The following STAU1 variants were observed in gnomAD, a reference collection of about 807,000 sequenced individuals.
STAU1 encodes staufen double-stranded RNA binding protein 1.
A neutral mutation model predicts 62.9 loss-of-function variants in STAU1; 13 were observed. The ratio of observed to expected loss-of-function variants is 0.21; its 90% CI spans 0.13 to 0.33. The LOEUF (loss-of-function observed/expected upper bound fraction) is 0.33, where lower values mean the gene tolerates loss of function less well. Ranked by LOEUF, STAU1 falls within the 10% of genes least tolerant of loss-of-function variation. The pLI, the probability that STAU1 is intolerant of heterozygous loss-of-function variation, is 1.00. For missense variants in STAU1, 571 were observed against 712.1 expected (o/e 0.80, Z 2.25); for synonymous variants, 269 against 265.1 (o/e 1.01, Z -0.14).
Position 49,165,977 on chromosome 20 carries a change from A to AAG in STAU1, c.205+19_205+20insCT. ...TAAGAAAACATTTGAAATAGAAGAC[A>AAG]CTTGGATTCATATGCTTACCTGCAG... On this transcript the variant is annotated intron_variant, in intron 3 of 13. Coordinates refer to ENST00000371856, the MANE Select transcript of STAU1 (RefSeq NM_017453.4). The AAG allele has an allele frequency of 1.2e-6, 2 of 1,611,682 alleles. No homozygotes were observed. Among genetic ancestry groups the AAG allele is most frequent in the Non-Finnish European group, 1.7e-6 (2 of 1,177,786 alleles).
the STAU1 span, chr20:49,219,233 TACCTAA>T: frequency 1.0e-6 from 1 of 988,590 alleles, no homozygotes; most frequent in African/African-American, 1.6e-5. Context: ...GGAATTTGCT[TACCTAA>T]AAAGCTCCGC....
At chr20:49,184,152 A>G (rs902713391) in intron 1 of STAU1, among the ~76,000 whole-genome samples, 12 of 152,146 alleles carry the variant, frequency 7.9e-5, no homozygotes, top group African/African-American at 2.6e-4. Context: ...GCTGGTCTCC[A>G]ACTCCTGACC....
rs747757991 is a variant in STAU1, at chr20:49,117,741, G to C, written c.1509+36C>G. On this transcript the variant is annotated intron_variant, in intron 11 of 13. Transcript: ENST00000371856. The surrounding 1 kb of genome is among the most constrained non-coding windows in gnomAD (Gnocchi z 4.6). ...AGAGAAGCCAAAAGATGACTGTCCT[G>C]AGGCACAGCCATCACAGCTCAGGCC... The C allele has an allele frequency of 6.4e-7, 1 of 1,556,890 alleles. No individual in the cohort carries two copies. The highest frequency in any genetic ancestry group is 1.8e-5 in the Admixed American group (1 of 54,458).
rs2092239541 is a variant in STAU1, at chr20:49,113,780, A to G, written c.*1098T>C. On this transcript the variant is annotated 3_prime_UTR_variant, in exon 14 of 14. Transcript: ENST00000371856. The stretch of plus-strand genomic sequence containing the variant: ...GGAGATGTAATTAACAGTATCGAGC[A>G]CTCTGGAAAATCACTCTGCAGGTTT... The G allele has an allele frequency of 6.6e-6, 1 of 152,628 alleles. No homozygotes were observed. The highest frequency in any genetic ancestry group is 2.1e-4 in the South Asian group (1 of 4,830). 9.5% of individuals were successfully genotyped at this position (152,628 alleles called of 1,614,324 possible). A position where few individuals can be genotyped will look rare whatever the true frequency, so the allele number is the denominator to read the frequency against.
At chr20:49,136,424 A>G (rs2092884793) in intron 5 of STAU1, among the ~76,000 whole-genome samples, 2 of 152,228 alleles carry the variant, frequency 1.3e-5, no homozygotes, top group African/African-American at 4.8e-5. Context: ...GGTTAAAAAG[A>G]TACATGTCCT....
chr20:49,133,589 CCT>C (rs901582401), intron 6 of STAU1, among the ~76,000 whole-genome samples: 28 of 152,188 alleles, frequency 1.8e-4, no homozygotes, highest in Admixed American at 8.5e-4. Context: ...CTGAATGTCC[CCT>C]GTCTCATTCC....
chr20:49,163,771 A>G (rs983354529), intron 3 of STAU1, among the ~76,000 whole-genome samples: 10 of 151,826 alleles, frequency 6.6e-5, no homozygotes, highest in African/African-American at 2.4e-4. Context: ...GAATGTTTCT[A>G]TACTTTTTGT....
At chr20:49,200,368 G>A in the STAU1 span, among the ~76,000 whole-genome samples, 3 of 152,266 alleles carry the variant, frequency 2.0e-5, no homozygotes, top group South Asian at 2.1e-4. Flanking sequence ...GAAGGCCGAC[G>A]CGGGCGGATC....
chr20:49,166,159 G>A lies in STAU1; in HGVS notation c.43C>T (p.Leu15Phe). 6.2e-7 allele frequency: 1 copy of A among 1,614,210 alleles called. No individual in the cohort carries two copies. The highest frequency in any genetic ancestry group is 8.5e-7 in the Non-Finnish European group (1 of 1,180,032). ...QVQVQNPSAALSGSQILNKNQ... is the reference protein window; with the variant it reads ...QVQVQNPSAAFSGSQILNKNQ... ...TTGTTCAGTATTTGGCTCCCTGAGA[G>A]AGCAGCAGATGGGTTCTGAACTTGC... The change falls in exon 3 of 14, where the codon CTC becomes TTC. Residue 15 changes from leucine to phenylalanine, a missense_variant. Physicochemically the swap from Leu to Phe is conservative, Grantham distance 22 (BLOSUM62 0). Around this residue, in one of 3 missense-constraint regions of STAU1, gnomAD observed 414 missense variants for 499.6 expected, o/e 0.83. Transcript: ENST00000371856.
At chr20:49,159,525 A>C (rs2093418036) in intron 3 of STAU1, among the ~76,000 whole-genome samples, 1 of 152,180 alleles carries the variant, frequency 6.6e-6, no homozygotes, top group African/African-American at 2.4e-5. Flanking sequence ...GAGGAAATAC[A>C]ACAGTTATAG....
chr20:49,146,429 C>T (rs371327485), intron 5 of STAU1, among the ~76,000 whole-genome samples: 61 of 152,162 alleles, frequency 4.0e-4, no homozygotes, highest in African/African-American at 1.3e-3. Context: ...AGGATGTTTA[C>T]GGTGGCTCAT....
intron 1 of STAU1, among the ~76,000 whole-genome samples, chr20:49,183,332 G>A (rs192581500): frequency 5.3e-5 from 8 of 152,286 alleles, no homozygotes; most frequent in Admixed American, 4.6e-4. Flanking sequence ...ACAATTCTGT[G>A]TCACTGGGTA....
intron 3 of STAU1, among the ~76,000 whole-genome samples, chr20:49,161,613 C>T (rs1299247517): frequency 6.6e-6 from 1 of 152,212 alleles, no homozygotes; most frequent in Non-Finnish European, 1.5e-5. Context: ...CAAGCTGGAT[C>T]TTGCTGAAAC....
chr20:49,202,403 A>T, the STAU1 span, among the ~76,000 whole-genome samples: 1 of 151,488 alleles, frequency 6.6e-6, no homozygotes, highest in Non-Finnish European at 1.5e-5. Flanking sequence ...CTCTACTTAA[A>T]AAACATAAAA....
At chr20:49,182,066 G>GCTT (rs2093732811) in intron 1 of STAU1, among the ~76,000 whole-genome samples, 1 of 152,172 alleles carries the variant, frequency 6.6e-6, no homozygotes, top group Non-Finnish European at 1.5e-5. Context: ...TTAATCGAAA[G>GCTT]CAAACACTTT....
the STAU1 span, among the ~76,000 whole-genome samples, chr20:49,201,044 C>CAAAAAAA: frequency 0.014 from 429 of 31,468 alleles, 5 homozygotes; most frequent in Middle Eastern, 0.042. Flanking sequence ...GACCCACTCT[C>CAAAAAAA]AAAAAAAAAA....
In STAU1 at chr20:49,188,175, G is replaced by A. The variant is rs2093815354; in HGVS notation, c.-219C>T. 6.6e-6 allele frequency: 1 copy of A among 151,950 alleles called. No individual in the cohort carries two copies. Among genetic ancestry groups the A allele is most frequent in the Admixed American group, 6.6e-5 (1 of 15,218 alleles). 9.4% of individuals were successfully genotyped at this position (151,950 alleles called of 1,614,324 possible). A position where few individuals can be genotyped will look rare whatever the true frequency, so the allele number is the denominator to read the frequency against. On this transcript the variant is annotated 5_prime_UTR_variant, in exon 1 of 14. Coordinates refer to ENST00000371856, the MANE Select transcript of STAU1 (RefSeq NM_017453.4). The stretch of plus-strand genomic sequence containing the variant: ...GGTCCTGGGCGGTGGCGGCGAGGAG[G>A]GGAAGGAAGAAGGAAAAAAGGGAGA...
chr20:49,167,352 T>A (rs534383459), intron 2 of STAU1, among the ~76,000 whole-genome samples: 1 of 152,202 alleles, frequency 6.6e-6, no homozygotes, highest in South Asian at 2.1e-4. Flanking sequence ...TTTTTTTAAG[T>A]ATCAAAATGA....
the STAU1 span, among the ~76,000 whole-genome samples, chr20:49,210,748 T>C: frequency 6.6e-6 from 1 of 152,136 alleles, no homozygotes; most frequent in African/African-American, 2.4e-5. Context: ...TTTTCTATCA[T>C]CCCCCATACT....
Sources: allele counts gnomAD v4.1 joint callset (sites outside exome capture counted in the v4.1 genomes callset), GRCh38; gene constraint gnomAD v4.1.1; regional missense constraint gnomAD v4.1.1; non-coding constraint Gnocchi (gnomAD v3.1); transcripts MANE v1.5; gene names NCBI Gene and HGNC (gene_info 2026-07-23, HGNC 2026-07-21).